Variants in DAAM2 observed in about 807,000 individuals in gnomAD.
DAAM2 encodes the protein dishevelled associated activator of morphogenesis 2.
Under a neutral mutation model 120.7 loss-of-function variants are expected in DAAM2, and 39 were observed. That is an observed-to-expected ratio of 0.32 (90% CI 0.25 to 0.42). The LOEUF is 0.42. Ranked by LOEUF, DAAM2 falls within the 10% of genes least tolerant of loss-of-function variation. DAAM2 has a pLI of 1.00. For missense variants in DAAM2, 1,283 were observed against 1,401.7 expected (o/e 0.92, Z 1.35); for synonymous variants, 488 against 524.9 (o/e 0.93, Z 0.96).
chr6:39,899,963 T>A (rs576846987), intron 22 of DAAM2, 114 bp from the exon 23 acceptor site: 1 of 1,143,956 alleles, frequency 8.7e-7, no homozygotes, highest in East Asian at 3.8e-5. Flanking sequence ...TGCAGGGTGT[T>A]CCCTCTTCCA....
At position 39,869,753 on chromosome 6, in the gene DAAM2, CTTTT is replaced by C. The variant is rs531295826; in HGVS notation, c.874-563_874-560del. 3.7e-3 allele frequency among the ~76,000 whole-genome samples: 376 copies of C among 102,000 alleles called. 3 individuals carry two copies. Among genetic ancestry groups the C allele is most frequent in the African/African-American group, 0.012 (352 of 28,466 alleles). The allele number at this position is 102,000 out of a possible 152,430, so 66.9% of individuals were successfully genotyped here. Reference sequence around the variant, plus strand: ...CTTTCCCCTCTTTTCCGCCAGCATACTTTTTTTTTTTTTTTTTTTTTTTTTTTAA... The same window carrying C: ...CTTTCCCCTCTTTTCCGCCAGCATACTTTTTTTTTTTTTTTTTTTTTTTAA... On this transcript the variant is annotated intron_variant, in intron 7 of 24. Transcript: ENST00000274867.
chr6:39,837,492 G>C (rs144068234), intron 1 of DAAM2, among the ~76,000 whole-genome samples: 6 of 151,480 alleles, frequency 4.0e-5, no homozygotes, highest in African/African-American at 1.5e-4. Flanking sequence ...ATGAAACCCC[G>C]TCTCTACTAA....
chr6:39,879,155 G>A, intron 13 of DAAM2, 23 bp from the exon 14 acceptor site: 1 of 1,502,748 alleles, frequency 6.7e-7, no homozygotes, highest in South Asian at 1.3e-5. Context: ...CTTTGTCCTT[G>A]CAATTTTTCT....
chr6:39,846,128 C>T (rs1447732429), intron 1 of DAAM2, among the ~76,000 whole-genome samples: 6 of 152,006 alleles, frequency 3.9e-5, no homozygotes, highest in Admixed American at 3.9e-4. Context: ...GGATTGAAGA[C>T]AAAGGACAAA....
intron 15 of DAAM2, 98 bp downstream of exon 15, chr6:39,884,167 T>G (rs990056269): frequency 2.8e-5 from 19 of 670,012 alleles, no homozygotes; most frequent in Non-Finnish European, 5.1e-5. Context: ...TTTCCTTTCC[T>G]TTCCTTCCTT....
chr6:39,814,427 G>A (rs981175452), intron 1 of DAAM2, among the ~76,000 whole-genome samples: 2 of 152,194 alleles, frequency 1.3e-5, no homozygotes, highest in African/African-American at 4.8e-5. Context: ...GCCACAGATG[G>A]AGCTCTGATG....
intron 1 of DAAM2, among the ~76,000 whole-genome samples, chr6:39,841,330 G>A (rs1048632375): frequency 1.4e-4 from 18 of 132,248 alleles, no homozygotes; most frequent in African/African-American, 5.4e-4. Context: ...CTTCTAGGGC[G>A]AGGGTTCCAG....
intron 1 of DAAM2, among the ~76,000 whole-genome samples, chr6:39,804,579 C>A (rs1023437912): frequency 6.6e-6 from 1 of 151,506 alleles, no homozygotes; most frequent in Admixed American, 6.6e-5. Flanking sequence ...CATACACATA[C>A]AAAGGACAAA....
chr6:39,884,415 C>T (rs533036285), intron 15 of DAAM2: 96 of 213,946 alleles, frequency 4.5e-4, no homozygotes, highest in Non-Finnish European at 8.2e-4. Context: ...GAGGTAGAGT[C>T]GCAAGGCCTG....
At position 39,871,511 on chromosome 6, in the gene DAAM2, T is replaced by C; in HGVS notation, c.983T>C (p.Leu328Ser). 6.4e-7 allele frequency: 1 copy of C among 1,551,648 alleles called. No homozygotes were observed. The highest frequency in any genetic ancestry group is 1.4e-5 in the African/African-American group (1 of 73,172). The stretch of plus-strand genomic sequence containing the variant: ...TGTCTCCCCATTCTGTCTAGACATT[T>C]AGACTTCTTCGAGATGGTGCGGAAT... ...QHENAILDKH[L>S]DFFEMVRNED... The change falls in exon 9 of 25, where the codon TTA (leucine) becomes TCA (serine). Residue 328 changes from leucine (L) to serine (S), a missense_variant. This residue lies in a region of DAAM2 where 338 missense variants were observed against 443.9 expected (regional missense o/e 0.76). Transcript: ENST00000274867.
chr6:39,873,486 G>A, intron 10 of DAAM2, 131 bp downstream of exon 10: 1 of 670,636 alleles, frequency 1.5e-6, no homozygotes, highest in Non-Finnish European at 2.7e-6. Flanking sequence ...GCTTTTGGGA[G>A]GGCAGGCCCC....
chr6:39,886,858 C>T (rs987640318), intron 15 of DAAM2: 1 of 174,900 alleles, frequency 5.7e-6, no homozygotes, highest in African/African-American at 2.4e-5. Context: ...GTCTACCTCG[C>T]CAGGGGCCCA....
intron 5 of DAAM2, 83 bp from the exon 6 acceptor site, chr6:39,867,427 T>C (rs1455288901): frequency 7.4e-7 from 1 of 1,356,572 alleles, no homozygotes; most frequent in Non-Finnish European, 1.0e-6. Context: ...TGCATGGTGG[T>C]ACACAGGTAA....
At chr6:39,833,575 T>C (rs1399879152) in intron 1 of DAAM2, among the ~76,000 whole-genome samples, 2 of 152,194 alleles carry the variant, frequency 1.3e-5, no homozygotes, top group Non-Finnish European at 2.9e-5. Flanking sequence ...CCCAAAGTGC[T>C]GAGATTACAG....
chr6:39,888,855 C>A, intron 17 of DAAM2, 92 bp downstream of exon 17: 1 of 902,814 alleles, frequency 1.1e-6, no homozygotes, highest in Non-Finnish European at 1.7e-6. Context: ...ATTCTTGGGT[C>A]AAGGAGAAAT....
chr6:39,882,511 C>T (rs1279663389), intron 14 of DAAM2, among the ~76,000 whole-genome samples: 2 of 152,064 alleles, frequency 1.3e-5, no homozygotes, highest in African/African-American at 2.4e-5. Context: ...TCTTCCCTAC[C>T]TCCACGTTGG....
At chr6:39,857,113 G>C (rs899006350) in intron 2 of DAAM2, among the ~76,000 whole-genome samples, 1 of 152,218 alleles carries the variant, frequency 6.6e-6, no homozygotes, top group Non-Finnish European at 1.5e-5. Flanking sequence ...TGAGAAGCCC[G>C]TGTGTGTGCA....
chr6:39,810,453 G>A (rs1484239285), intron 1 of DAAM2, among the ~76,000 whole-genome samples: 1 of 152,112 alleles, frequency 6.6e-6, no homozygotes, highest in Non-Finnish European at 1.5e-5. Context: ...AAATACTATT[G>A]GTGCTCTTCC....
intron 1 of DAAM2, among the ~76,000 whole-genome samples, chr6:39,808,612 C>T (rs903198555): frequency 2.0e-5 from 3 of 152,218 alleles, no homozygotes; most frequent in Non-Finnish European, 4.4e-5. Flanking sequence ...GAAGTGCAGT[C>T]GATTCAGCTC....
Sources: gnomAD v4.1 joint callset for allele counts (sites outside exome capture counted in the v4.1 genomes callset) on GRCh38, gnomAD v4.1.1 for gene constraint, gnomAD v4.1.1 regional missense constraint, MANE v1.5 for transcripts, NCBI Gene and HGNC (gene_info 2026-07-23, HGNC 2026-07-21) for gene names.